The following ERGIC1 variants were observed in gnomAD, a reference collection of about 807,000 sequenced individuals.
ERGIC1 encodes endoplasmic reticulum-Golgi intermediate compartment protein 1.
ERGIC1 carries 19 observed loss-of-function variants against 38.3 expected under a neutral mutation model. That is an observed-to-expected ratio of 0.50 (90% CI 0.35 to 0.73). The LOEUF (loss-of-function observed/expected upper bound fraction) is 0.73. Among genes scored for constraint, ERGIC1 ranks in the 30% least tolerant of loss-of-function variants. The pLI is 0.01. For synonymous variants in ERGIC1, 124 were observed against 157.6 expected, an observed-to-expected ratio of 0.79 and a Z score of 1.60; for missense variants, 294 against 389.2, an observed-to-expected ratio of 0.76 and a Z score of 2.06.
At chr5:172,880,789 C>T (rs575506636) in intron 1 of ERGIC1, among the ~76,000 whole-genome samples, 2 of 152,324 alleles carry the variant, frequency 1.3e-5, no homozygotes, top group South Asian at 4.1e-4. Flanking sequence ...GGCAGGGGGC[C>T]CTATGGGGTC....
chr5:172,865,828 A>G (rs978495638), intron 1 of ERGIC1, among the ~76,000 whole-genome samples: 1 of 152,168 alleles, frequency 6.6e-6, no homozygotes, highest in African/African-American at 2.4e-5. Context: ...TGATTGGGGT[A>G]CTTTTGAGCT....
intron 3 of ERGIC1, among the ~76,000 whole-genome samples, chr5:172,900,128 A>G (rs1762832324): frequency 6.6e-6 from 1 of 152,148 alleles, no homozygotes; most frequent in Admixed American, 6.5e-5. Flanking sequence ...TGGGGCACTG[A>G]GGCAATGGGC....
intron 1 of ERGIC1, among the ~76,000 whole-genome samples, chr5:172,842,057 CT>C (rs1561697530): frequency 6.6e-6 from 1 of 152,098 alleles, no homozygotes; most frequent in African/African-American, 2.4e-5. Flanking sequence ...AGAGCACCCT[CT>C]TTTTTGAGAC....
chr5:172,871,507 C>T (rs758749927), intron 1 of ERGIC1, among the ~76,000 whole-genome samples: 7 of 152,220 alleles, frequency 4.6e-5, no homozygotes, highest in South Asian at 2.1e-4. Context: ...TTCTTCATAA[C>T]GCTTATCAGC....
intron 5 of ERGIC1, chr5:172,915,126 G>T (rs1312157677): frequency 4.4e-6 from 3 of 687,554 alleles, no homozygotes; most frequent in Non-Finnish European, 8.0e-6. Context: ...CCCAGCCCTG[G>T]GTTCAAGTCC....
chr5:172,863,563 C>G (rs569228562), intron 1 of ERGIC1, among the ~76,000 whole-genome samples: 1 of 152,218 alleles, frequency 6.6e-6, no homozygotes, highest in African/African-American at 2.4e-5. Context: ...CAGCCCACCT[C>G]TCTCTTTCAG....
Position 172,904,324 on chromosome 5 carries a change from A to C in ERGIC1, c.156-5343A>C, listed in dbSNP as rs537870249. 2.6e-5 allele frequency among the ~76,000 whole-genome samples: 4 copies of C among 152,326 alleles called. No homozygotes were observed. The East Asian group carries it at 7.7e-4, about 29-fold the overall frequency. On this transcript the variant is annotated intron_variant, in intron 3 of 9. Transcript: ENST00000393784. ...GTCCCTTGAGCCCCTCCCAGTCAGT[A>C]GCCCCCACCACTATTATTCTGACTT...
At chr5:172,856,145 C>T (rs1364335304) in intron 1 of ERGIC1, among the ~76,000 whole-genome samples, 1 of 152,086 alleles carries the variant, frequency 6.6e-6, no homozygotes, top group Non-Finnish European at 1.5e-5. Flanking sequence ...GTCAGTGATC[C>T]CTGCATCCCT....
chr5:172,944,725 G>A (rs1158970354), intron 9 of ERGIC1, among the ~76,000 whole-genome samples: 1 of 152,198 alleles, frequency 6.6e-6, no homozygotes, highest in Non-Finnish European at 1.5e-5. Context: ...AGAGCACATG[G>A]ATGAGAGGAG....
chr5:172,917,781 A>T (rs1273027076), intron 5 of ERGIC1: 2 of 152,148 alleles, frequency 1.3e-5, no homozygotes, highest in Non-Finnish European at 2.9e-5. Context: ...AGTGCCTGGG[A>T]CCTCCTCAAC....
At chr5:172,932,387 G>A in intron 7 of ERGIC1, 49 bp from the exon 8 acceptor site, 1 of 1,585,286 alleles carries the variant, frequency 6.3e-7, no homozygotes, top group Non-Finnish European at 8.6e-7. Flanking sequence ...AGAGCTGTCA[G>A]CGGGCAGTGC....
intron 2 of ERGIC1, among the ~76,000 whole-genome samples, chr5:172,892,062 G>GTTTTTTTTTTTT (rs573472747): frequency 3.3e-5 from 3 of 90,228 alleles, no homozygotes; most frequent in Non-Finnish European, 4.5e-5. Context: ...TAAAGAGTAT[G>GTTTTTTTTTTTT]TTTTTTTTTT....
intron 2 of ERGIC1, among the ~76,000 whole-genome samples, chr5:172,893,126 G>C (rs566838126): frequency 6.6e-6 from 1 of 152,096 alleles, no homozygotes; most frequent in African/African-American, 2.4e-5. Context: ...AGTTAGCACT[G>C]ACCTTCATGA....
At chr5:172,941,141 G>A (rs969617949) in intron 9 of ERGIC1, among the ~76,000 whole-genome samples, 7 of 152,112 alleles carry the variant, frequency 4.6e-5, no homozygotes, top group African/African-American at 1.4e-4. Context: ...TAGCCAGGTA[G>A]CACGCCTGTA....
chr5:172,837,146 C>T lies in ERGIC1; in HGVS notation c.20+2713C>T, dbSNP rs1761056078. On this transcript the variant is annotated intron_variant, in intron 1 of 9. Coordinates refer to ENST00000393784, the MANE Select transcript of ERGIC1 (RefSeq NM_001031711.3). The surrounding 1 kb of genome is among the most constrained non-coding windows in gnomAD (Gnocchi z 4.3). ...CAGCCGTCCTGCTCGTGTTCCCCTT[C>T]TTAAAATCAGAAGCAGGAAAAATAG... Among the ~76,000 whole-genome samples, 1 of 152,208 alleles carries T rather than the reference C, an allele frequency of 6.6e-6. No individual in the cohort carries two copies. The highest frequency in any genetic ancestry group is 1.9e-4 in the East Asian group (1 of 5,192).
chr5:172,914,921 A>T (rs768566526), intron 5 of ERGIC1, 83 bp downstream of exon 5: 2 of 1,588,074 alleles, frequency 1.3e-6, no homozygotes, highest in South Asian at 1.1e-5. Context: ...TTGTGGAGGC[A>T]CTCACTCGAC....
intron 3 of ERGIC1, among the ~76,000 whole-genome samples, chr5:172,904,768 A>G (rs1448213173): frequency 6.6e-6 from 1 of 152,054 alleles, no homozygotes; most frequent in Admixed American, 6.6e-5. Context: ...GCCCTGGAAC[A>G]TTTGCCTTGG....
intron 1 of ERGIC1, among the ~76,000 whole-genome samples, chr5:172,842,016 T>A (rs1262050986): frequency 1.3e-5 from 2 of 152,216 alleles, no homozygotes; most frequent in African/African-American, 4.8e-5. Flanking sequence ...TTAATTTGGT[T>A]ATTTTTTGTG....
chr5:172,916,278 C>CTTTAACCTG (rs1381905812), intron 5 of ERGIC1: 1 of 152,288 alleles, frequency 6.6e-6, no homozygotes, highest in Non-Finnish European at 1.5e-5. Flanking sequence ...AGTCTCTCAC[C>CTTTAACCTG]AGCCCAGGCC....
Sources: gnomAD v4.1 joint callset for allele counts (sites outside exome capture counted in the v4.1 genomes callset) on GRCh38, gnomAD v4.1.1 for gene constraint, Gnocchi (gnomAD v3.1) non-coding constraint, MANE v1.5 for transcripts, NCBI Gene and HGNC (gene_info 2026-07-23, HGNC 2026-07-21) for gene names.